The following PDE4D variants were observed in gnomAD, a reference collection of about 807,000 sequenced individuals.
The protein encoded by PDE4D is 3',5'-cyclic-AMP phosphodiesterase 4D.
A neutral mutation model predicts 87.4 loss-of-function variants in PDE4D; 24 were observed. The observed-to-expected ratio is 0.27, with a 90% confidence interval of 0.20 to 0.39. PDE4D has a LOEUF of 0.39. PDE4D is among the 10% of genes least tolerant of loss of function. The pLI is 1.00. For missense variants in PDE4D, 714 were observed against 1,041.0 expected (o/e 0.69, Z 4.32); for synonymous variants, 384 against 383.2 (o/e 1.00, Z -0.02).
chr5:59,500,206 C>CA (rs34685247), intron 1 of PDE4D, among the ~76,000 whole-genome samples: 69,059 of 151,970 alleles, frequency 0.45, 16,901 homozygotes, highest in African/African-American at 0.61. Flanking sequence ...GGAGATTTCT[C>CA]AAGAACTAAT....
intron 1 of PDE4D, among the ~76,000 whole-genome samples, chr5:59,416,676 T>C (rs1263303819): frequency 6.6e-6 from 1 of 152,194 alleles, no homozygotes; most frequent in African/African-American, 2.4e-5. Context: ...GTCCCCAAAG[T>C]TAGATCATCC....
chr5:60,403,312 G>C (rs550047458), intron 1 of PDE4D, among the ~76,000 whole-genome samples: 147 of 152,322 alleles, frequency 9.7e-4, no homozygotes, highest in African/African-American at 3.4e-3. Context: ...GAGCCAGTGG[G>C]ATGATGTTTG....
At position 59,010,653 on chromosome 5, in the gene PDE4D, C is replaced by G. The variant is rs145964482; in HGVS notation, c.922-17188G>C. 2.0e-3 allele frequency among the ~76,000 whole-genome samples: 302 copies of G among 152,046 alleles called. 2 individuals are homozygous for G. Among genetic ancestry groups the G allele is most frequent in the African/African-American group, 7.0e-3 (289 of 41,456 alleles). ...AGTACCATGTCAGCTGATGGAGACA[C>G]AAAAATCCAATAAAGTAGGTATAGC... is the stretch of plus-strand genomic sequence containing the variant. On this transcript the variant is annotated intron_variant, in intron 6 of 14. Coordinates refer to ENST00000340635, the MANE Select transcript of PDE4D (RefSeq NM_001104631.2).
chr5:60,068,710 C>T (rs890883303), intron 2 of PDE4D, among the ~76,000 whole-genome samples: 1 of 152,156 alleles, frequency 6.6e-6, no homozygotes, highest in African/African-American at 2.4e-5. Context: ...AATCCTCCTA[C>T]CTCAGCCTCC....
intron 1 of PDE4D, among the ~76,000 whole-genome samples, chr5:60,245,485 G>C (rs1486889274): frequency 6.6e-6 from 1 of 151,918 alleles, no homozygotes; most frequent in Non-Finnish European, 1.5e-5. Context: ...CTACACTCCC[G>C]TGTTTATTGT....
chr5:59,523,763 G>T (rs1336814759), intron 1 of PDE4D, among the ~76,000 whole-genome samples: 10 of 152,074 alleles, frequency 6.6e-5, no homozygotes, highest in African/African-American at 2.2e-4. Flanking sequence ...CCCACGTTTT[G>T]GGGGAAAGTC....
chr5:59,734,504 C>T (rs1416973000), intron 1 of PDE4D, among the ~76,000 whole-genome samples: 3 of 152,116 alleles, frequency 2.0e-5, no homozygotes, highest in East Asian at 1.9e-4. Flanking sequence ...ATTTTGTCTA[C>T]TGTGGTCTCC....
rs754213869 is a variant in PDE4D, at chr5:58,975,864, A to G, written c.1831-25T>C. On this transcript the variant is annotated intron_variant, in intron 13 of 14. Coordinates refer to ENST00000340635, the MANE Select transcript of PDE4D (RefSeq NM_001104631.2). This position sits in a 1 kb window ranked among gnomAD's most constrained non-coding sequence, Gnocchi z 4.2. ...CCTAAAATAGATGGATGCATTCTCT[A>G]TTCACTCCTGTTCCTTTTTTTTAAA... 17 of 1,382,732 alleles carry G rather than the reference A, an allele frequency of 1.2e-5. 1 individual carries two copies. The South Asian group carries it at 2.4e-4, about 20-fold the overall frequency. 85.7% of individuals were successfully genotyped at this position (1,382,732 alleles called of 1,614,324 possible).
chr5:59,403,259 C>T (rs1328947135), intron 1 of PDE4D, among the ~76,000 whole-genome samples: 3 of 151,878 alleles, frequency 2.0e-5, no homozygotes, highest in African/African-American at 7.3e-5. Flanking sequence ...TCAGGGTAAA[C>T]AGGGAATCTA....
intron 1 of PDE4D, among the ~76,000 whole-genome samples, chr5:59,611,610 C>G (rs1829019225): frequency 6.6e-6 from 1 of 152,168 alleles, no homozygotes; most frequent in Non-Finnish European, 1.5e-5. Flanking sequence ...CACAATCTCC[C>G]TAGCACAGTG....
intron 1 of PDE4D, among the ~76,000 whole-genome samples, chr5:60,327,046 C>T (rs529163043): frequency 2.2e-3 from 333 of 152,146 alleles, no homozygotes; most frequent in Non-Finnish European, 4.0e-3. Context: ...CATAGAAAAC[C>T]GTTTAATAGA....
At chr5:59,615,838 C>CTATCT (rs1433857931) in intron 1 of PDE4D, among the ~76,000 whole-genome samples, 1 of 152,114 alleles carries the variant, frequency 6.6e-6, no homozygotes, top group Non-Finnish European at 1.5e-5. Context: ...CAAAAGAGGA[C>CTATCT]TATCTTACAG....
chr5:60,107,192 C>A (rs199802263), intron 2 of PDE4D, among the ~76,000 whole-genome samples: 1 of 152,320 alleles, frequency 6.6e-6, no homozygotes, highest in East Asian at 1.9e-4. Context: ...AATGATCCCA[C>A]AGAAATACAA....
intron 1 of PDE4D, among the ~76,000 whole-genome samples, chr5:60,323,756 ACCCTCCACCCC>A (rs1756518615): frequency 6.7e-6 from 1 of 148,280 alleles, no homozygotes; most frequent in African/African-American, 2.6e-5. Context: ...CATGATTACC[ACCCTCCACCCC>A]CCACCCGCAG....
At chr5:59,523,906 CCAT>C (rs1229066667) in intron 1 of PDE4D, among the ~76,000 whole-genome samples, 1 of 152,290 alleles carries the variant, frequency 6.6e-6, no homozygotes, top group East Asian at 1.9e-4. Flanking sequence ...TCTCCTGCTG[CCAT>C]GTGAAGAAGA....
chr5:60,025,505 CT>C (rs1049087083), intron 2 of PDE4D, among the ~76,000 whole-genome samples: 2 of 152,012 alleles, frequency 1.3e-5, no homozygotes, highest in Non-Finnish European at 2.9e-5. Context: ...CTCAAAACAA[CT>C]TTTTTTCTTG....
At chr5:60,052,963 C>A (rs181511571) in intron 2 of PDE4D, among the ~76,000 whole-genome samples, 23 of 152,188 alleles carry the variant, frequency 1.5e-4, no homozygotes, top group African/African-American at 5.1e-4. Context: ...AATAAAATAC[C>A]TAGGAATACA....
chr5:59,065,295 G>A (rs1763766152), intron 5 of PDE4D, among the ~76,000 whole-genome samples: 1 of 152,130 alleles, frequency 6.6e-6, no homozygotes, highest in South Asian at 2.1e-4. Context: ...ACTGATGGAA[G>A]CAGAAAGTAG....
chr5:59,748,102 C>T (rs1759887786), intron 1 of PDE4D, among the ~76,000 whole-genome samples: 2 of 152,184 alleles, frequency 1.3e-5, no homozygotes, highest in South Asian at 4.1e-4. Context: ...AGGCCTTCAC[C>T]TCCAGATACT....
Sources: allele counts gnomAD v4.1 joint callset (sites outside exome capture counted in the v4.1 genomes callset), GRCh38; gene constraint gnomAD v4.1.1; non-coding constraint Gnocchi (gnomAD v3.1); transcripts MANE v1.5; gene names NCBI Gene and HGNC (gene_info 2026-07-23, HGNC 2026-07-21).